Variants in SANBR observed in about 807,000 individuals in gnomAD.
SANBR encodes SANT and BTB domain regulator of class switch recombination.
SANBR carries 77 observed loss-of-function variants against 101.8 expected under a neutral mutation model. The ratio of observed to expected loss-of-function variants is 0.76; its 90% CI spans 0.63 to 0.91. SANBR has a LOEUF of 0.91. Ranked by LOEUF, SANBR falls within the 40% of genes least tolerant of loss-of-function variation. The pLI is 0.00. For synonymous variants in SANBR, 279 were observed against 274.7 expected (o/e 1.02, Z -0.15); for missense variants, 875 against 853.0 (o/e 1.03, Z -0.32).
chr2:61,076,748 A>G (rs1189460097), intron 5 of SANBR, among the ~76,000 whole-genome samples, 172 bp from the exon 6 acceptor site: 2 of 152,234 alleles, frequency 1.3e-5, no homozygotes, highest in Non-Finnish European at 2.9e-5. Flanking sequence ...GTCATAATCT[A>G]AGATATGATC....
chr2:61,091,520 G>A (rs558396135), intron 10 of SANBR, among the ~76,000 whole-genome samples: 6 of 151,678 alleles, frequency 4.0e-5, no homozygotes, highest in African/African-American at 1.2e-4. Context: ...CTTGAACCCA[G>A]CAGGGCAGAG....
intron 10 of SANBR, among the ~76,000 whole-genome samples, chr2:61,091,725 C>T (rs928974252): frequency 6.6e-5 from 10 of 152,144 alleles, no homozygotes; most frequent in African/African-American, 1.9e-4. Flanking sequence ...GATTGCACCA[C>T]TGCACTCCAG....
intron 20 of SANBR, among the ~76,000 whole-genome samples, chr2:61,131,422 A>G (rs1181510028): frequency 6.6e-6 from 1 of 152,242 alleles, no homozygotes; most frequent in Non-Finnish European, 1.5e-5. Flanking sequence ...TAAAATTGAA[A>G]TTAAGAAAAC....
At chr2:61,074,734 G>C (rs1681668837) in intron 5 of SANBR, among the ~76,000 whole-genome samples, 1 of 151,918 alleles carries the variant, frequency 6.6e-6, no homozygotes, top group Non-Finnish European at 1.5e-5. Context: ...CTGATTGGTT[G>C]GTTTGTGTGA....
In SANBR at chr2:61,121,168, G is replaced by A; in HGVS notation, c.2029-17G>A. 3.9e-6 allele frequency: 6 copies of A among 1,525,376 alleles called. No individual in the cohort carries two copies. The highest frequency in any genetic ancestry group is 4.4e-6 in the Non-Finnish European group (5 of 1,123,636). The allele number at this position is 1,525,376 out of a possible 1,614,324, so 94.5% of individuals were successfully genotyped here. The stretch of plus-strand genomic sequence containing the variant: ...TTGATTCTGTGAAGATAACAGTATT[G>A]CTTCTTTATTCTGCAGTTTGCAGGA... On this transcript the variant is annotated splice_polypyrimidine_tract_variant and intron_variant, in intron 20 of 21. Coordinates refer to ENST00000402291, the MANE Select transcript of SANBR (RefSeq NM_001129993.3).
chr2:61,130,789 A>C (rs1452561758), intron 20 of SANBR, among the ~76,000 whole-genome samples: 1 of 148,936 alleles, frequency 6.7e-6, no homozygotes, highest in Non-Finnish European at 1.5e-5. Context: ...TCTACTAAAA[A>C]TACAAAAATT....
chr2:61,097,835 C>A lies in SANBR; in HGVS notation c.1348C>A (p.Pro450Thr). ...CCNQKVLRFD[P>T]TQLTKGCKVR... is the part of the protein sequence containing the mutation. ...TAACCAAAAGGTTCTTCGGTTTGATCCTACTCAGCTTACAAAGGTGAATTT... is the reference window on the plus strand; with the variant it reads ...TAACCAAAAGGTTCTTCGGTTTGATACTACTCAGCTTACAAAGGTGAATTT... The change falls in exon 12 of 22, where the codon CCT becomes ACT. Residue 450 changes from proline (P) to threonine (T), a missense_variant. Transcript: ENST00000402291. 2 of 1,612,340 alleles carry A rather than the reference C, an allele frequency of 1.2e-6. No homozygotes were observed. The highest frequency in any genetic ancestry group is 1.7e-6 in the Non-Finnish European group (2 of 1,179,056).
Position 61,123,967 on chromosome 2 carries a change from A to T in SANBR, c.*1805A>T. 3.2e-6 allele frequency: 1 copy of T among 310,620 alleles called. No homozygotes were observed. The highest frequency in any genetic ancestry group is 4.7e-6 in the Non-Finnish European group (1 of 213,194). The allele number at this position is 310,620 out of a possible 1,614,324, so 19.2% of individuals were successfully genotyped here. A position where few individuals can be genotyped will look rare whatever the true frequency, so the allele number is the denominator to read the frequency against. The stretch of plus-strand genomic sequence containing the variant: ...AGATTAGCCAGGCATGGTGGCATAC[A>T]CCTGTAGTCCCAGCTACTCGGGAGG... On this transcript the variant is annotated 3_prime_UTR_variant, in exon 22 of 22. Coordinates refer to ENST00000402291, the MANE Select transcript of SANBR (RefSeq NM_001129993.3).
At chr2:61,118,316 A>G (rs1354439479) in intron 20 of SANBR, among the ~76,000 whole-genome samples, 200 bp downstream of exon 20, 1 of 152,136 alleles carries the variant, frequency 6.6e-6, no homozygotes, top group East Asian at 1.9e-4. Context: ...ATCTCGGCTC[A>G]CTGCAACCTT....
chr2:61,080,532 C>A (rs935230061), intron 6 of SANBR, among the ~76,000 whole-genome samples: 4 of 152,142 alleles, frequency 2.6e-5, no homozygotes, highest in Non-Finnish European at 5.9e-5. Context: ...ACCATCCTGG[C>A]CAACATGGTG....
chr2:61,086,718 G>C (rs1268265861), intron 8 of SANBR, among the ~76,000 whole-genome samples: 1 of 152,142 alleles, frequency 6.6e-6, no homozygotes, highest in Non-Finnish European at 1.5e-5. Flanking sequence ...GTAGCTATTA[G>C]GGATAGGTAG....
At chr2:61,103,037 TAAATG>T (rs1683367020) in intron 12 of SANBR, among the ~76,000 whole-genome samples, 1 of 151,886 alleles carries the variant, frequency 6.6e-6, no homozygotes. Context: ...GAAGAGTAAA[TAAATG>T]GTGTATATTC....
intron 21 of SANBR, among the ~76,000 whole-genome samples, chr2:61,135,057 GCA>G: frequency 6.6e-6 from 1 of 152,124 alleles, no homozygotes; most frequent in Non-Finnish European, 1.5e-5. Context: ...AGGTGTGGTG[GCA>G]CGCGCCTGTA....
chr2:61,092,407 A>G, intron 10 of SANBR, 57 bp from the exon 11 acceptor site: 2 of 1,321,418 alleles, frequency 1.5e-6, no homozygotes, highest in Non-Finnish European at 2.0e-6. Flanking sequence ...AATTAAATAA[A>G]TAAATAAAAC....
intron 14 of SANBR, 43 bp from the exon 15 acceptor site, chr2:61,108,274 T>C: frequency 7.6e-7 from 1 of 1,324,182 alleles, no homozygotes; most frequent in Middle Eastern, 1.9e-4. Flanking sequence ...AGCTGCAATC[T>C]AGGTAAATGC....
chr2:61,114,908 C>T (rs1665279), intron 16 of SANBR, among the ~76,000 whole-genome samples: 78,319 of 152,108 alleles, frequency 0.51, 20,481 homozygotes, highest in Middle Eastern at 0.65. Flanking sequence ...CCTCCTACCT[C>T]GGCCTCCCAA....
At chr2:61,112,432 CTTTT>C (rs895310642) in intron 16 of SANBR, among the ~76,000 whole-genome samples, 14 of 151,664 alleles carry the variant, frequency 9.2e-5, no homozygotes, top group Admixed American at 9.2e-4. Context: ...AGATCTAAGT[CTTTT>C]TTGTCAGCCA....
chr2:61,088,508 T>C, intron 10 of SANBR, 40 bp downstream of exon 10: 1 of 1,183,818 alleles, frequency 8.4e-7, no homozygotes, highest in Non-Finnish European at 1.2e-6. Context: ...TTTTTGTATA[T>C]ATATATATAT....
chr2:61,128,129 G>A (rs543049493), downstream of SANBR, among the ~76,000 whole-genome samples: 4 of 151,966 alleles, frequency 2.6e-5, no homozygotes, highest in East Asian at 3.9e-4. Context: ...AAAATTAGCC[G>A]GGCATGGTGG....
Sources: allele counts gnomAD v4.1 joint callset (sites outside exome capture counted in the v4.1 genomes callset), GRCh38; gene constraint gnomAD v4.1.1; transcripts MANE v1.5; gene names NCBI Gene and HGNC (gene_info 2026-07-23, HGNC 2026-07-21).